The following WNK1 variants were observed in gnomAD, a reference collection of about 807,000 sequenced individuals.
WNK1 encodes the protein WNK lysine deficient protein kinase 1.
A neutral mutation model predicts 222.8 loss-of-function variants in WNK1; 38 were observed. The observed-to-expected ratio is 0.17, with a 90% CI of 0.13 to 0.22. The LOEUF is 0.22. WNK1 is among the 10% of genes least tolerant of loss of function. WNK1 has a pLI of 1.00. For missense variants in WNK1, 2,348 were observed against 2,918.4 expected (o/e 0.80, Z 4.50); for synonymous variants, 1,090 against 1,092.9 (o/e 1.00, Z 0.05).
intron 1 of WNK1, among the ~76,000 whole-genome samples, chr12:776,412 T>TGTGTG (rs1555082817): frequency 6.8e-4 from 100 of 146,228 alleles, no homozygotes; most frequent in Admixed American, 2.4e-3. Context: ...GTTTGTGTGT[T>TGTGTG]TGTGTGTGTG....
At position 907,424 on chromosome 12, in the gene WNK1, C is replaced by T. The variant is rs570955004; in HGVS notation, c.6644-423C>T. On this transcript the variant is annotated intron_variant, in intron 26 of 27. Transcript: ENST00000315939. ...CATCTTTTCCTACTCCTACTTTAAC[C>T]GTGCCCAATGCACAAGAAAACCTCT... 2.3e-4 allele frequency among the ~76,000 whole-genome samples: 35 copies of T among 152,278 alleles called. 1 individual carries two copies. In the South Asian group the frequency reaches 7.0e-3, roughly 31 times the overall value.
At chr12:848,675 G>A (rs1482589207) in intron 4 of WNK1, among the ~76,000 whole-genome samples, 2 of 151,846 alleles carry the variant, frequency 1.3e-5, no homozygotes, top group Non-Finnish European at 2.9e-5. Flanking sequence ...GATGACTAAG[G>A]TTTCTTCTCT....
chr12:768,323 A>G (rs1942032421), intron 1 of WNK1, among the ~76,000 whole-genome samples: 1 of 152,050 alleles, frequency 6.6e-6, no homozygotes, highest in Non-Finnish European at 1.5e-5. Flanking sequence ...TTTAGTAGAG[A>G]CGGGATTTCA....
chr12:904,447 C>T, intron 26 of WNK1: 1 of 1,289,004 alleles, frequency 7.8e-7, no homozygotes, highest in African/African-American at 1.5e-5. Context: ...TCTCTTTGTG[C>T]TTCAGGGAAG....
intron 6 of WNK1, among the ~76,000 whole-genome samples, chr12:859,736 C>A (rs1256765262): frequency 6.1e-5 from 9 of 147,854 alleles, no homozygotes; most frequent in African/African-American, 2.3e-4. Context: ...GAGAGAGAGA[C>A]AGGGTCTTGC....
At chr12:772,001 A>G (rs1328268460) in intron 1 of WNK1, among the ~76,000 whole-genome samples, 1 of 152,006 alleles carries the variant, frequency 6.6e-6, no homozygotes, top group Non-Finnish European at 1.5e-5. Context: ...TTTGATAGTC[A>G]TTGTTTATGG....
In WNK1 at chr12:847,336, T is replaced by TA. The variant is rs530386016; in HGVS notation, c.1312-9824dup. 1.7e-4 allele frequency among the ~76,000 whole-genome samples: 26 copies of TA among 152,300 alleles called. No individual in the cohort carries two copies. The East Asian group carries it at 5.0e-3, about 29-fold the overall frequency. ...CTAAATGCTAAAGGATTCATATAGA[T>TA]ACTTTGTAATTGCTACTTTCTCTAA... On this transcript the variant is annotated intron_variant, in intron 4 of 27. Coordinates refer to ENST00000315939, the MANE Select transcript of WNK1 (RefSeq NM_018979.4).
chr12:885,292 T>C lies in WNK1; in HGVS notation c.4488T>C (p.Thr1496=). Residue 1496 remains threonine (T), a synonymous_variant, in exon 19 of 28, where the codon ACT becomes ACC. Coordinates refer to ENST00000315939, the MANE Select transcript of WNK1 (RefSeq NM_018979.4). ...GATLTSVSTT[T]SFPSTASQLC... Reference sequence around the variant, plus strand: ...CATTAACATCAGTTTCTACCACCACTTCATTCCCAAGCACAGCTTCACAGC... The same window carrying C: ...CATTAACATCAGTTTCTACCACCACCTCATTCCCAAGCACAGCTTCACAGC... 1 of 1,614,166 alleles carries C rather than the reference T, an allele frequency of 6.2e-7. No individual in the cohort carries two copies. The highest frequency in any genetic ancestry group is 8.5e-7 in the Non-Finnish European group (1 of 1,180,024).
intron 20 of WNK1, 128 bp downstream of exon 20, chr12:887,432 A>G (rs1197520236): frequency 2.1e-5 from 18 of 870,234 alleles, no homozygotes; most frequent in Non-Finnish European, 2.9e-5. Context: ...TTCTTTTAAA[A>G]TGTTATAACC....
chr12:755,150 A>G (rs1053887796), intron 1 of WNK1, among the ~76,000 whole-genome samples: 1 of 152,206 alleles, frequency 6.6e-6, no homozygotes, highest in Non-Finnish European at 1.5e-5. Context: ...TTCTAGGTTT[A>G]AACAGCTGAG....
rs762824641 is a variant in WNK1 at position 881,808 on chromosome 12, C to T, written c.3209+19C>T. Reference sequence around the variant, plus strand: ...TAGACAGGTACGTAAAACTAGAATTCTCCTTCCTTGACTGGTAAATAAGAC... The same window carrying T: ...TAGACAGGTACGTAAAACTAGAATTTTCCTTCCTTGACTGGTAAATAAGAC... On this transcript the variant is annotated intron_variant, in intron 13 of 27. Coordinates refer to ENST00000315939, the MANE Select transcript of WNK1 (RefSeq NM_018979.4). The T allele has an allele frequency of 1.2e-6, 2 of 1,613,944 alleles. No homozygotes were observed. Among genetic ancestry groups the T allele is most frequent in the South Asian group, 2.2e-5 (2 of 91,070 alleles).
At chr12:799,539 C>G (rs1328241108) in intron 1 of WNK1, among the ~76,000 whole-genome samples, 1 of 152,116 alleles carries the variant, frequency 6.6e-6, no homozygotes, top group East Asian at 1.9e-4. Context: ...TAAAAGATTT[C>G]TTTTAAAATT....
At chr12:835,729 G>A (rs543228686) in intron 4 of WNK1, among the ~76,000 whole-genome samples, 6 of 152,182 alleles carry the variant, frequency 3.9e-5, no homozygotes, top group South Asian at 2.1e-4. Flanking sequence ...AAGACTGGGG[G>A]ATCACTTGAG....
At chr12:811,687 T>G in intron 1 of WNK1, among the ~76,000 whole-genome samples, 1 of 152,142 alleles carries the variant, frequency 6.6e-6, no homozygotes, top group East Asian at 1.9e-4. Context: ...TCTAAGATAT[T>G]TTATGAAATG....
At chr12:871,201 G>C in intron 8 of WNK1, 64 bp from the exon 9 acceptor site, 1 of 1,454,612 alleles carries the variant, frequency 6.9e-7, no homozygotes, top group South Asian at 1.1e-5. Flanking sequence ...CATTGCAAAA[G>C]CCTGACCTCT....
At position 887,299 on chromosome 12, in the gene WNK1, A is replaced by G; in HGVS notation, c.5359A>G (p.Thr1787Ala). Residue 1787 changes from threonine to alanine, a missense_variant, in exon 20 of 28, where the codon ACC becomes GCC. Transcript: ENST00000315939. Reference sequence around the variant, plus strand: ...GCCACCTTTTCCAGGACCTTCTCTAACCCAGGTGCCTCAAGACTTGACAAA... The same window carrying G: ...GCCACCTTTTCCAGGACCTTCTCTAGCCCAGGTGCCTCAAGACTTGACAAA... ...QLPPFPGPSLTQSQQPLEDLD... is the reference protein window; with the variant it reads ...QLPPFPGPSLAQSQQPLEDLD... 1 of 1,614,120 alleles carries G rather than the reference A, an allele frequency of 6.2e-7. No individual in the cohort carries two copies. Among genetic ancestry groups the G allele is most frequent in the Non-Finnish European group, 8.5e-7 (1 of 1,179,998 alleles).
At chr12:760,662 G>T (rs1940889713) in intron 1 of WNK1, among the ~76,000 whole-genome samples, 1 of 147,624 alleles carries the variant, frequency 6.8e-6, no homozygotes, top group East Asian at 1.9e-4. Context: ...CTTAACAGGG[G>T]AGCTTTTCAG....
At chr12:807,123 G>A (rs1309578414) in intron 1 of WNK1, among the ~76,000 whole-genome samples, 2 of 152,016 alleles carry the variant, frequency 1.3e-5, no homozygotes, top group African/African-American at 4.8e-5. Context: ...CGGGGTGGGG[G>A]GTTGGTGTGG....
At chr12:800,774 G>T (rs1408374851) in intron 1 of WNK1, among the ~76,000 whole-genome samples, 1 of 152,162 alleles carries the variant, frequency 6.6e-6, no homozygotes, top group African/African-American at 2.4e-5. Flanking sequence ...AACTGGTTTT[G>T]TTCTGGGATG....
Sources: gnomAD v4.1 joint callset for allele counts (sites outside exome capture counted in the v4.1 genomes callset) on GRCh38, gnomAD v4.1.1 for gene constraint, MANE v1.5 for transcripts, NCBI Gene and HGNC (gene_info 2026-07-23, HGNC 2026-07-21) for gene names.